The following ADAMTS6 variants were observed in gnomAD, a reference collection of about 807,000 sequenced individuals.
ADAMTS6 encodes the protein ADAM metallopeptidase with thrombospondin type 1 motif 6.
Under a neutral mutation model 144.3 loss-of-function variants are expected in ADAMTS6, and 23 were observed. That is an observed-to-expected ratio of 0.16 (90% CI 0.11 to 0.23). The LOEUF is 0.23. ADAMTS6 is among the 10% of genes least tolerant of loss of function. The pLI is 1.00. For missense variants in ADAMTS6, 999 were observed against 1,379.6 expected (o/e 0.72, Z 4.37); for synonymous variants, 444 against 457.5 (o/e 0.97, Z 0.38).
chr5:65,428,249 T>G (rs984829842), intron 7 of ADAMTS6, among the ~76,000 whole-genome samples: 23 of 141,688 alleles, frequency 1.6e-4, no homozygotes, highest in African/African-American at 6.3e-4. Context: ...AAAAAAAAAG[T>G]TAAAGAAAGT....
chr5:65,307,583 G>T (rs1413528073), intron 9 of ADAMTS6, among the ~76,000 whole-genome samples: 2 of 152,168 alleles, frequency 1.3e-5, no homozygotes, highest in African/African-American at 4.8e-5. Flanking sequence ...TTACCATACT[G>T]AAGTTATACA....
chr5:65,395,209 T>G (rs1323283892), intron 7 of ADAMTS6, among the ~76,000 whole-genome samples: 1 of 152,144 alleles, frequency 6.6e-6, no homozygotes, highest in Non-Finnish European at 1.5e-5. Flanking sequence ...AACATTATGC[T>G]CCTAAGTGTT....
chr5:65,275,527 C>T (rs974289104), intron 11 of ADAMTS6, among the ~76,000 whole-genome samples: 4 of 151,692 alleles, frequency 2.6e-5, no homozygotes, highest in African/African-American at 7.3e-5. Context: ...CTCATGTTTA[C>T]GATCCAATAT....
chr5:65,219,194 C>T (rs1422787835), intron 18 of ADAMTS6, among the ~76,000 whole-genome samples: 5 of 152,062 alleles, frequency 3.3e-5, no homozygotes, highest in Non-Finnish European at 7.4e-5. Context: ...ACTTATGACC[C>T]ACCTCCTGTG....
intron 24 of ADAMTS6, among the ~76,000 whole-genome samples, chr5:65,161,569 A>G (rs1752783265): frequency 6.6e-6 from 1 of 152,326 alleles, no homozygotes; most frequent in Non-Finnish European, 1.5e-5. Context: ...TGCTCCACAC[A>G]ACACATTTCC....
chr5:65,197,974 A>G (rs1755493063), intron 20 of ADAMTS6, among the ~76,000 whole-genome samples: 1 of 152,206 alleles, frequency 6.6e-6, no homozygotes, highest in African/African-American at 2.4e-5. Context: ...AAAGACACAC[A>G]CAAACACACA....
intron 3 of ADAMTS6, among the ~76,000 whole-genome samples, chr5:65,466,823 A>G (rs918917442): frequency 1.3e-5 from 2 of 152,190 alleles, no homozygotes; most frequent in African/African-American, 4.8e-5. Context: ...TGGGCGGATC[A>G]CGAGGTCAGG....
intron 12 of ADAMTS6, among the ~76,000 whole-genome samples, chr5:65,264,258 T>C (rs543900844): frequency 1.8e-4 from 28 of 152,288 alleles, no homozygotes; most frequent in African/African-American, 6.5e-4. Context: ...TGATCAACAG[T>C]AGATTTAGTG....
intron 18 of ADAMTS6, among the ~76,000 whole-genome samples, chr5:65,221,170 C>T (rs1279177742): frequency 2.0e-5 from 3 of 152,064 alleles, no homozygotes; most frequent in African/African-American, 4.8e-5. Flanking sequence ...TAACCTGATA[C>T]AAAAACCAGC....
chr5:65,271,391 A>C (rs898049381), intron 12 of ADAMTS6, among the ~76,000 whole-genome samples: 16 of 151,992 alleles, frequency 1.1e-4, no homozygotes, highest in African/African-American at 2.4e-4. Flanking sequence ...AAAAAAAAAA[A>C]AAAAAAACAC....
At chr5:65,447,922 A>C (rs968551334) in intron 7 of ADAMTS6, among the ~76,000 whole-genome samples, 1 of 150,754 alleles carries the variant, frequency 6.6e-6, no homozygotes, top group African/African-American at 2.4e-5. Flanking sequence ...TTTGGTATTC[A>C]GAGCTAAGAT....
At chr5:65,277,769 A>T (rs1325855574) in intron 11 of ADAMTS6, among the ~76,000 whole-genome samples, 1 of 152,122 alleles carries the variant, frequency 6.6e-6, no homozygotes, top group Admixed American at 6.6e-5. Flanking sequence ...TAGTTTTTAG[A>T]AGGGAATTTT....
At chr5:65,473,554 A>T (rs1760629992) in intron 2 of ADAMTS6, 23 bp downstream of exon 2, 2 of 1,573,900 alleles carry the variant, frequency 1.3e-6, no homozygotes, top group Non-Finnish European at 1.7e-6. Flanking sequence ...ATTTTTTGTC[A>T]GTTTCAAAAG....
At chr5:65,441,605 CA>C (rs1362633100) in intron 7 of ADAMTS6, among the ~76,000 whole-genome samples, 2 of 152,022 alleles carry the variant, frequency 1.3e-5, no homozygotes, top group African/African-American at 4.8e-5. Flanking sequence ...TTCGATCCAA[CA>C]ATAGCAGAAT....
rs1039989791 is a variant in ADAMTS6 at position 65,481,518 on chromosome 5, A to G, written c.-455T>C. The G allele has an allele frequency of 3.3e-5, 5 of 151,164 alleles. No homozygotes were observed. The highest frequency in any genetic ancestry group is 4.2e-4 in the South Asian group (2 of 4,778). 9.4% of individuals were successfully genotyped at this position (151,164 alleles called of 1,614,324 possible). On this transcript the variant is annotated 5_prime_UTR_variant, in exon 1 of 25. Transcript: ENST00000381055. ...TATTCTGCAGCCAGAATAAAACCCT[A>G]TGGTCTGGCTAACCCGGGCTTTAGA... is the stretch of plus-strand genomic sequence containing the variant.
intron 7 of ADAMTS6, among the ~76,000 whole-genome samples, chr5:65,438,052 T>C (rs1230526028): frequency 6.6e-6 from 1 of 152,228 alleles, no homozygotes; most frequent in Non-Finnish European, 1.5e-5. Context: ...TCCTTGACAA[T>C]TTGAAGACTA....
intron 9 of ADAMTS6, among the ~76,000 whole-genome samples, chr5:65,320,993 T>G (rs1047246712): frequency 6.6e-6 from 1 of 152,198 alleles, no homozygotes; most frequent in African/African-American, 2.4e-5. Context: ...CTATTGTGCA[T>G]AGGGCTGCAA....
At chr5:65,407,347 T>TA (rs1754616772) in intron 7 of ADAMTS6, among the ~76,000 whole-genome samples, 1 of 151,878 alleles carries the variant, frequency 6.6e-6, no homozygotes, top group Admixed American at 6.6e-5. Flanking sequence ...TTCTTTTTTT[T>TA]TTTATTATAC....
chr5:65,470,737 T>A, intron 3 of ADAMTS6, 41 bp downstream of exon 3: 2 of 1,508,890 alleles, frequency 1.3e-6, no homozygotes, highest in Non-Finnish European at 1.8e-6. Context: ...GCAAAATTCT[T>A]ATTTTCCCAT....
Sources: allele counts gnomAD v4.1 joint callset (sites outside exome capture counted in the v4.1 genomes callset), GRCh38; gene constraint gnomAD v4.1.1; transcripts MANE v1.5; gene names NCBI Gene and HGNC (gene_info 2026-07-23, HGNC 2026-07-21).